The following TAFA4 variants were observed in gnomAD, a reference collection of about 807,000 sequenced individuals.
The protein encoded by TAFA4 is TAFA chemokine like family member 4, also known as chemokine-like protein TAFA-4.
A neutral mutation model predicts 21.1 loss-of-function variants in TAFA4; 20 were observed. The ratio of observed to expected loss-of-function variants is 0.95; its 90% CI spans 0.67 to 1.38. TAFA4 has a LOEUF of 1.38. Ranked by LOEUF, TAFA4 falls within the 40% of genes most tolerant of loss-of-function variation. The probability of loss-of-function intolerance (pLI) is 0.00; values close to 1 mark genes in which losing one functional copy is unlikely to be tolerated. For synonymous variants in TAFA4, 71 were observed against 67.4 expected, an observed-to-expected ratio of 1.05 and a Z score of -0.26; for missense variants, 211 against 180.9, an observed-to-expected ratio of 1.17 and a Z score of -0.95.
intron 1 of TAFA4, among the ~76,000 whole-genome samples, chr3:68,928,826 T>A: frequency 6.6e-6 from 1 of 152,142 alleles, no homozygotes; most frequent in Non-Finnish European, 1.5e-5. Context: ...GAATTAGGAC[T>A]CCGGGATTCT....
intron 3 of TAFA4, 123 bp from the exon 4 acceptor site, chr3:68,753,141 A>G (rs1162328597): frequency 1.2e-6 from 1 of 828,730 alleles, no homozygotes; most frequent in African/African-American, 1.7e-5. Flanking sequence ...GAGTCTTTGT[A>G]ACATTTTATT....
intron 3 of TAFA4, among the ~76,000 whole-genome samples, chr3:68,873,021 A>G (rs1197100967): frequency 6.6e-6 from 1 of 152,144 alleles, no homozygotes; most frequent in East Asian, 1.9e-4. Context: ...CATAGACAGC[A>G]TGGGTAAATA....
chr3:68,892,473 G>A (rs2089739923), intron 1 of TAFA4, among the ~76,000 whole-genome samples: 1 of 152,056 alleles, frequency 6.6e-6, no homozygotes, highest in East Asian at 1.9e-4. Context: ...TCAGTTAATG[G>A]GTATGACGTA....
At chr3:68,747,513 T>C (rs1232461382) in intron 4 of TAFA4, among the ~76,000 whole-genome samples, 2 of 152,170 alleles carry the variant, frequency 1.3e-5, no homozygotes, top group Non-Finnish European at 2.9e-5. Flanking sequence ...TGTTCCTCCT[T>C]CACCTTACAC....
chr3:68,859,882 A>G (rs1013312985), intron 3 of TAFA4, among the ~76,000 whole-genome samples: 1 of 152,160 alleles, frequency 6.6e-6, no homozygotes, highest in African/African-American at 2.4e-5. Context: ...TATGGCTAAT[A>G]TTTAGGTAAG....
intron 3 of TAFA4, among the ~76,000 whole-genome samples, chr3:68,815,535 T>C (rs1485034361): frequency 6.6e-6 from 1 of 152,160 alleles, no homozygotes; most frequent in Non-Finnish European, 1.5e-5. Flanking sequence ...AAAGAAGACA[T>C]TTATGCAGCC....
At chr3:68,870,736 T>C (rs2089472217) in intron 3 of TAFA4, among the ~76,000 whole-genome samples, 1 of 152,066 alleles carries the variant, frequency 6.6e-6, no homozygotes, top group Admixed American at 6.6e-5. Flanking sequence ...CTCCCTCCCC[T>C]TGCTCCCCAC....
intron 3 of TAFA4, among the ~76,000 whole-genome samples, chr3:68,787,824 G>A (rs1410167545): frequency 6.6e-6 from 1 of 152,256 alleles, no homozygotes; most frequent in Non-Finnish European, 1.5e-5. Context: ...TGCATGTTGT[G>A]TAATAAAGCT....
intron 1 of TAFA4, among the ~76,000 whole-genome samples, chr3:68,904,404 G>A (rs752343557): frequency 6.6e-6 from 1 of 152,208 alleles, no homozygotes; most frequent in African/African-American, 2.4e-5. Context: ...AGATATTTAG[G>A]ATGACAGGTG....
intron 3 of TAFA4, among the ~76,000 whole-genome samples, chr3:68,771,277 T>C (rs1345849286): frequency 1.3e-5 from 2 of 152,222 alleles, no homozygotes; most frequent in South Asian, 2.1e-4. Flanking sequence ...GAATGTGTAA[T>C]TGAGCTGGTT....
chr3:68,811,941 A>G (rs1392183391), intron 3 of TAFA4, among the ~76,000 whole-genome samples: 1 of 152,130 alleles, frequency 6.6e-6, no homozygotes, highest in Admixed American at 6.6e-5. Flanking sequence ...CGGGTTACCC[A>G]CAAAGGGAAG....
At chr3:68,795,896 C>G (rs112340395) in intron 3 of TAFA4, among the ~76,000 whole-genome samples, 1 of 152,180 alleles carries the variant, frequency 6.6e-6, no homozygotes, top group Non-Finnish European at 1.5e-5. Context: ...GTGTTGTGAT[C>G]TAAGCCATAT....
chr3:68,854,994 C>A (rs1459140176), intron 3 of TAFA4, among the ~76,000 whole-genome samples: 1 of 152,084 alleles, frequency 6.6e-6, no homozygotes, highest in Non-Finnish European at 1.5e-5. Flanking sequence ...GGTTCCAAAC[C>A]CATAGCAGAG....
At chr3:68,900,758 G>C (rs992697172) in intron 1 of TAFA4, among the ~76,000 whole-genome samples, 2 of 152,132 alleles carry the variant, frequency 1.3e-5, no homozygotes, top group Non-Finnish European at 2.9e-5. Flanking sequence ...GAATGGATTT[G>C]AACACCTAAA....
At chr3:68,910,789 A>G (rs529454520) in intron 1 of TAFA4, among the ~76,000 whole-genome samples, 40 of 152,354 alleles carry the variant, frequency 2.6e-4, no homozygotes, top group Non-Finnish European at 4.0e-4. Context: ...CTGACTATAT[A>G]CGATTTTTCT....
At chr3:68,812,413 C>T (rs1304888387) in intron 3 of TAFA4, among the ~76,000 whole-genome samples, 6 of 152,160 alleles carry the variant, frequency 3.9e-5, no homozygotes, top group Non-Finnish European at 7.3e-5. Context: ...CATCAGTGTG[C>T]TGTATTCAGG....
chr3:68,897,577 G>T (rs1439456956), intron 1 of TAFA4, among the ~76,000 whole-genome samples: 1 of 151,692 alleles, frequency 6.6e-6, no homozygotes, highest in Non-Finnish European at 1.5e-5. Context: ...AGTGAGCTGA[G>T]ATCATGCCAT....
At chr3:68,734,884 A>AT (rs1175561180) in intron 5 of TAFA4, among the ~76,000 whole-genome samples, 1 of 152,138 alleles carries the variant, frequency 6.6e-6, no homozygotes, top group Non-Finnish European at 1.5e-5. Context: ...TGTCAAAAGC[A>AT]TCTTCTTTGA....
intron 3 of TAFA4, among the ~76,000 whole-genome samples, chr3:68,838,451 A>T (rs934537341): frequency 2.0e-5 from 3 of 152,244 alleles, no homozygotes; most frequent in Non-Finnish European, 2.9e-5. Context: ...AATGAAAAAT[A>T]ACCCTTGTAG....
Sources: allele counts gnomAD v4.1 joint callset (sites outside exome capture counted in the v4.1 genomes callset), GRCh38; gene constraint gnomAD v4.1.1; transcripts MANE v1.5; gene names NCBI Gene and HGNC (gene_info 2026-07-23, HGNC 2026-07-21).